Variants in XYLT1 observed in about 807,000 individuals in gnomAD.
XYLT1 encodes xylosyltransferase 1.
XYLT1 carries 36 observed loss-of-function variants against 91.3 expected under a neutral mutation model. The ratio of observed to expected loss-of-function variants is 0.39; its 90% CI spans 0.30 to 0.52. The LOEUF is 0.52. Among genes scored for constraint, XYLT1 ranks in the 20% least tolerant of loss-of-function variants. The pLI is 0.68. For synonymous variants in XYLT1, 588 were observed against 532.0 expected (o/e 1.11, Z -1.45); for missense variants, 1,242 against 1,284.5 (o/e 0.97, Z 0.51).
At chr16:17,318,739 G>A (rs1179999670) in intron 2 of XYLT1, among the ~76,000 whole-genome samples, 3 of 151,622 alleles carry the variant, frequency 2.0e-5, no homozygotes, top group Non-Finnish European at 2.9e-5. Flanking sequence ...GGAAAAGCAA[G>A]GATTATGATG....
intron 2 of XYLT1, among the ~76,000 whole-genome samples, chr16:17,353,673 A>C (rs2035251284): frequency 6.6e-6 from 1 of 151,570 alleles, no homozygotes; most frequent in Non-Finnish European, 1.5e-5. Flanking sequence ...CTACCCATAT[A>C]TCTAAGTACA....
chr16:17,338,079 T>C, intron 2 of XYLT1: 2 of 412,914 alleles, frequency 4.8e-6, no homozygotes, highest in Admixed American at 5.1e-5. Context: ...CCGTTCTACA[T>C]TTTAATGGCC....
At chr16:17,432,095 C>T (rs576789235) in intron 1 of XYLT1, among the ~76,000 whole-genome samples, 67 of 152,300 alleles carry the variant, frequency 4.4e-4, no homozygotes, top group Middle Eastern at 3.4e-3. Flanking sequence ...AAAAAAATGG[C>T]TGGTTCCACT....
chr16:17,403,540 T>C (rs1415804701), intron 1 of XYLT1: 2 of 152,224 alleles, frequency 1.3e-5, no homozygotes, highest in Non-Finnish European at 2.9e-5. Flanking sequence ...AGAGCTTGTG[T>C]AGGGAAACTC....
intron 1 of XYLT1, among the ~76,000 whole-genome samples, chr16:17,386,135 G>C (rs1463776735): frequency 6.6e-6 from 1 of 152,120 alleles, no homozygotes; most frequent in Non-Finnish European, 1.5e-5. Flanking sequence ...TGTAACAGCT[G>C]AGAAACACTT....
intron 2 of XYLT1, among the ~76,000 whole-genome samples, chr16:17,298,790 C>G (rs559476985): frequency 6.6e-6 from 1 of 152,178 alleles, no homozygotes; most frequent in Non-Finnish European, 1.5e-5. Context: ...TTCTCCAGGC[C>G]AGGAAAAATA....
intron 6 of XYLT1, 137 bp downstream of exon 6, chr16:17,158,692 C>T (rs762703305): frequency 6.0e-5 from 51 of 850,890 alleles, no homozygotes; most frequent in Non-Finnish European, 8.3e-5. Flanking sequence ...GCAGACACAG[C>T]GAAGGACAGC....
At chr16:17,217,687 G>A (rs2141605269) in intron 3 of XYLT1, among the ~76,000 whole-genome samples, 1 of 152,332 alleles carries the variant, frequency 6.6e-6, no homozygotes, top group East Asian at 1.9e-4. Flanking sequence ...ACAGTCCAGT[G>A]GATGTTGGAT....
chr16:17,290,033 C>G (rs1398874567), intron 2 of XYLT1, among the ~76,000 whole-genome samples: 2 of 152,356 alleles, frequency 1.3e-5, no homozygotes, highest in Middle Eastern at 3.4e-3. Context: ...TTTTCCATCT[C>G]TTTCTTGTTC....
chr16:17,161,090 T>C (rs953134456), intron 5 of XYLT1, among the ~76,000 whole-genome samples: 8 of 152,270 alleles, frequency 5.3e-5, no homozygotes, highest in African/African-American at 1.9e-4. Context: ...TGGGCCCCCT[T>C]CTCGTGAAGC....
At chr16:17,288,924 T>C (rs2034180748) in intron 2 of XYLT1, among the ~76,000 whole-genome samples, 1 of 152,130 alleles carries the variant, frequency 6.6e-6, no homozygotes, top group Non-Finnish European at 1.5e-5. Flanking sequence ...GGTGATTTGT[T>C]AAAACATCCC....
intron 2 of XYLT1, among the ~76,000 whole-genome samples, chr16:17,271,151 T>TTTTGTTTG (rs76240696): frequency 4.2e-4 from 63 of 151,482 alleles, no homozygotes; most frequent in African/African-American, 1.0e-3. Flanking sequence ...CCTAACTGTT[T>TTTTGTTTG]TTTGTTTGTT....
intron 3 of XYLT1, among the ~76,000 whole-genome samples, chr16:17,211,043 C>T (rs534170985): frequency 6.6e-6 from 1 of 152,280 alleles, no homozygotes; most frequent in East Asian, 1.9e-4. Context: ...GCAAGATTTC[C>T]ACTTATGGCC....
At chr16:17,237,539 A>G (rs113025605) in intron 3 of XYLT1, among the ~76,000 whole-genome samples, 3,407 of 152,266 alleles carry the variant, frequency 0.022, 51 homozygotes, top group Non-Finnish European at 0.033. Context: ...ACATGTAATT[A>G]AACTGAGTCT....
At chr16:17,404,474 G>T (rs2036006100) in intron 1 of XYLT1, among the ~76,000 whole-genome samples, 1 of 152,198 alleles carries the variant, frequency 6.6e-6, no homozygotes, top group Non-Finnish European at 1.5e-5. Flanking sequence ...AGACTCTCCT[G>T]TGAGGTGAGA....
chr16:17,208,253 T>A (rs1161851376), intron 3 of XYLT1, among the ~76,000 whole-genome samples: 2 of 151,614 alleles, frequency 1.3e-5, no homozygotes, highest in Non-Finnish European at 2.9e-5. Context: ...AAAGTGCTGG[T>A]GTTATAGGTG....
At chr16:17,446,686 G>GACCC (rs2036595774) in intron 1 of XYLT1, among the ~76,000 whole-genome samples, 1 of 152,184 alleles carries the variant, frequency 6.6e-6, no homozygotes, top group African/African-American at 2.4e-5. Flanking sequence ...GGTAGGCGAA[G>GACCC]ACCCCATCGT....
chr16:17,323,096 G>T (rs2034748630), intron 2 of XYLT1, among the ~76,000 whole-genome samples: 1 of 152,192 alleles, frequency 6.6e-6, no homozygotes, highest in Non-Finnish European at 1.5e-5. Context: ...AGGCAAGCTG[G>T]CCATGGAGGC....
intron 10 of XYLT1, among the ~76,000 whole-genome samples, chr16:17,118,347 T>G (rs1224831997): frequency 6.6e-6 from 1 of 152,136 alleles, no homozygotes; most frequent in African/African-American, 2.4e-5. Context: ...ACATACACCC[T>G]GCCACTCAAC....
Sources: allele counts gnomAD v4.1 joint callset (sites outside exome capture counted in the v4.1 genomes callset), GRCh38; gene constraint gnomAD v4.1.1; transcripts MANE v1.5; gene names NCBI Gene and HGNC (gene_info 2026-07-23, HGNC 2026-07-21).